The following BICD1 variants were observed in gnomAD, a reference collection of about 807,000 sequenced individuals.
BICD1 encodes the protein protein bicaudal D homolog 1.
A neutral mutation model predicts 92.5 loss-of-function variants in BICD1; 35 were observed. The ratio of observed to expected loss-of-function variants is 0.38; its 90% confidence interval spans 0.29 to 0.50. The LOEUF (loss-of-function observed/expected upper bound fraction) is 0.50. Among genes scored for constraint, BICD1 ranks in the 20% least tolerant of loss-of-function variants. The pLI is 0.93. For synonymous variants in BICD1, 429 were observed against 465.1 expected (o/e 0.92, Z 1.00); for missense variants, 950 against 1,189.8 (o/e 0.80, Z 2.97).
intron 1 of BICD1, among the ~76,000 whole-genome samples, chr12:32,210,214 G>A (rs942421932): frequency 6.6e-5 from 10 of 151,968 alleles, no homozygotes; most frequent in Non-Finnish European, 1.2e-4. Flanking sequence ...TACTTGCCGA[G>A]TGAATGAACA....
At chr12:32,112,001 C>CTTTTTTT (rs35592483) in intron 1 of BICD1, among the ~76,000 whole-genome samples, 16 of 97,078 alleles carry the variant, frequency 1.6e-4, no homozygotes, top group Non-Finnish European at 2.0e-4. Flanking sequence ...TGCACTATCC[C>CTTTTTTT]TTTTTTTTTT....
chr12:32,229,679 T>C (rs960941871), intron 2 of BICD1, among the ~76,000 whole-genome samples: 2 of 151,248 alleles, frequency 1.3e-5, no homozygotes, highest in Non-Finnish European at 2.9e-5. Context: ...AGGAGAGGAA[T>C]TGCAGGCAGA....
At chr12:32,283,213 A>G (rs548100944) in intron 2 of BICD1, among the ~76,000 whole-genome samples, 4 of 152,204 alleles carry the variant, frequency 2.6e-5, no homozygotes, top group East Asian at 1.9e-4. Context: ...ACTGGACAGT[A>G]TTTACAGCCT....
rs896296248 is a variant in BICD1, at chr12:32,340,533, A to T, written c.2764+1554A>T. 2.2e-5 allele frequency: 20 copies of T among 929,448 alleles called. No homozygotes were observed. The Admixed American group carries it at 1.2e-3, about 57-fold the overall frequency. The allele number at this position is 929,448 out of a possible 1,614,324, so 57.6% of individuals were successfully genotyped here. A position where few individuals can be genotyped will look rare whatever the true frequency, so the allele number is the denominator to read the frequency against. On this transcript the variant is annotated intron_variant, in intron 8 of 9. Coordinates refer to ENST00000652176, the MANE Select transcript of BICD1 (RefSeq NM_001714.4). ...GAAAAGAAATTGGTATGATTAATAA[A>T]TAACTCCTATTGCTGTTTAATTAAA...
intron 1 of BICD1, among the ~76,000 whole-genome samples, chr12:32,157,420 A>T (rs915799079): frequency 2.0e-5 from 3 of 152,218 alleles, no homozygotes; most frequent in African/African-American, 7.2e-5. Context: ...GTGTATTATT[A>T]TGATTACTTT....
intron 1 of BICD1, among the ~76,000 whole-genome samples, chr12:32,172,348 G>T (rs1375974783): frequency 6.6e-6 from 1 of 152,176 alleles, no homozygotes; most frequent in Non-Finnish European, 1.5e-5. Context: ...TTAGAGTCTT[G>T]CAGGGAAATT....
chr12:32,342,206 A>ATG (rs1938405933), intron 8 of BICD1, among the ~76,000 whole-genome samples: 1 of 41,954 alleles, frequency 2.4e-5, no homozygotes, highest in Non-Finnish European at 4.1e-5. Flanking sequence ...GTGTGTGTGT[A>ATG]TATATATATA....
At chr12:32,366,645 T>TCAAA (rs1422168555) in intron 8 of BICD1, among the ~76,000 whole-genome samples, 1 of 151,230 alleles carries the variant, frequency 6.6e-6, no homozygotes, top group African/African-American at 2.5e-5. Flanking sequence ...AAACTCTGTC[T>TCAAA]CAAATAAACA....
chr12:32,141,633 C>T (rs1942923928), intron 1 of BICD1, among the ~76,000 whole-genome samples: 1 of 152,106 alleles, frequency 6.6e-6, no homozygotes. Context: ...GCCACTACGC[C>T]CAGCTAATTT....
intron 9 of BICD1, among the ~76,000 whole-genome samples, chr12:32,372,105 A>G (rs1334261557): frequency 6.6e-6 from 1 of 152,204 alleles, no homozygotes; most frequent in Non-Finnish European, 1.5e-5. Flanking sequence ...CTGAAGAGGA[A>G]TGTTTGTTTA....
intron 1 of BICD1, chr12:32,108,746 G>A: frequency 1.6e-6 from 1 of 640,318 alleles, no homozygotes; most frequent in Non-Finnish European, 2.8e-6. Context: ...TTTTTATTTG[G>A]ATGCCTGTCT....
At chr12:32,185,668 G>T (rs1057113419) in intron 1 of BICD1, among the ~76,000 whole-genome samples, 2 of 152,304 alleles carry the variant, frequency 1.3e-5, no homozygotes, top group South Asian at 4.1e-4. Context: ...GCAGGAGAGG[G>T]GCTCCCAAAT....
Position 32,257,583 on chromosome 12 carries a change from T to C in BICD1, c.427-36411T>C, listed in dbSNP as rs146238564. On this transcript the variant is annotated intron_variant, in intron 2 of 9. Coordinates refer to ENST00000652176, the MANE Select transcript of BICD1 (RefSeq NM_001714.4). ...CATCTTGAAAAACTGTTTGGCCTTA[T>C]CTAGTAAAGCTAAAGATGTATAGAT... Among the ~76,000 whole-genome samples, 212 of 152,240 alleles carry C rather than the reference T, an allele frequency of 1.4e-3. 1 individual carries two copies. The highest frequency in any genetic ancestry group is 5.0e-3 in the African/African-American group (207 of 41,538).
intron 5 of BICD1, chr12:32,333,178 G>A (rs1937954558): frequency 1.0e-6 from 1 of 984,420 alleles, no homozygotes; most frequent in Non-Finnish European, 1.2e-6. Context: ...ATACTTTTCT[G>A]TTTTAAATGA....
chr12:32,107,380 A>G lies in BICD1; in HGVS notation c.49A>G (p.Ile17Val), dbSNP rs1941517350. 6.2e-7 allele frequency: 1 copy of G among 1,611,358 alleles called. No homozygotes were observed. Residue 17 changes from isoleucine to valine, a missense_variant, in exon 1 of 10, where the codon ATA (isoleucine) becomes GTA (valine). By Grantham distance (29) the Ile-to-Val change is conservative. Coordinates refer to ENST00000652176, the MANE Select transcript of BICD1 (RefSeq NM_001714.4). Reference protein sequence around the residue: ...LQTVDHYKTEIERLTKELTET... With the variant: ...LQTVDHYKTEVERLTKELTET... ...GACGGTGGACCATTATAAGACTGAG[A>G]TAGAGAGGCTAACCAAGGAGCTCAC...
intron 4 of BICD1, among the ~76,000 whole-genome samples, chr12:32,312,516 G>A (rs951563677): frequency 2.0e-5 from 3 of 152,188 alleles, no homozygotes; most frequent in Non-Finnish European, 2.9e-5. Flanking sequence ...CTATCCCTGT[G>A]TATAAACGGT....
chr12:32,260,851 T>G (rs1021177360), intron 2 of BICD1, among the ~76,000 whole-genome samples: 6 of 152,208 alleles, frequency 3.9e-5, no homozygotes, highest in African/African-American at 1.4e-4. Context: ...AGCATCTGCT[T>G]CCCTTCACTT....
At chr12:32,223,567 G>T (rs549084073) in intron 2 of BICD1, among the ~76,000 whole-genome samples, 15 of 151,310 alleles carry the variant, frequency 9.9e-5, no homozygotes, top group African/African-American at 3.6e-4. Context: ...TCTGGATTAG[G>T]CTTTGGCTGG....
At chr12:32,108,866 TG>T (rs1283582687) in intron 1 of BICD1, 2 of 518,374 alleles carry the variant, frequency 3.9e-6, no homozygotes, top group Non-Finnish European at 6.9e-6. Context: ...TGTACCTGTC[TG>T]GTCTTAACAA....
Sources: gnomAD v4.1 joint callset for allele counts (sites outside exome capture counted in the v4.1 genomes callset) on GRCh38, gnomAD v4.1.1 for gene constraint, MANE v1.5 for transcripts, NCBI Gene and HGNC (gene_info 2026-07-23, HGNC 2026-07-21) for gene names.